The following FBH1 variants were observed in gnomAD, a reference collection of about 807,000 sequenced individuals.
FBH1 encodes F-box DNA helicase 1.
A neutral mutation model predicts 115.5 loss-of-function variants in FBH1; 43 were observed. That is an observed-to-expected ratio of 0.37 (90% confidence interval 0.29 to 0.48). The LOEUF (loss-of-function observed/expected upper bound fraction) is 0.48, where lower values mean the gene tolerates loss of function less well. Among genes scored for constraint, FBH1 ranks in the 20% least tolerant of loss-of-function variants. The pLI, the probability that FBH1 is intolerant of heterozygous loss-of-function variation, is 0.99. For synonymous variants in FBH1, 524 were observed against 507.8 expected (o/e 1.03, Z -0.43); for missense variants, 1,001 against 1,337.3 (o/e 0.75, Z 3.92).
rs1415466719 is a variant in FBH1 at position 5,911,089 on chromosome 10, T to C, written c.1172T>C (p.Leu391Pro). The C allele has an allele frequency of 6.2e-7, 1 of 1,613,380 alleles. No homozygotes were observed. ...TETLYCIAVL[L>P]YAMREKGINI... ...ACCCTGTACTGCATAGCCGTGCTTC[T>C]CTACGCCATGAGGGAGAAGGGGATT... Residue 391 changes from leucine (L) to proline (P), a missense_variant, in exon 6 of 21, where the codon CTC (leucine) becomes CCC (proline). By Grantham distance (98) the Leu-to-Pro change is moderately conservative (BLOSUM62 -3). Around this residue, in one of 4 missense-constraint regions of FBH1, gnomAD observed 59 missense variants for 79.7 expected, o/e 0.74. Transcript: ENST00000362091. This position sits in a 1 kb window ranked among gnomAD's most constrained non-coding sequence, Gnocchi z 5.4.
intron 2 of FBH1, 69 bp from the exon 3 acceptor site, chr10:5,905,968 A>C (rs1843665147): frequency 8.9e-7 from 1 of 1,129,936 alleles, no homozygotes; most frequent in Admixed American, 2.0e-5. Flanking sequence ...AGTGTGTCTT[A>C]TATGGATTAA....
In FBH1 at chr10:5,906,646, G is replaced by A. The variant is rs1165130032; in HGVS notation, c.753+14G>A. ...AGTGACCCGCTGGTGAGTGAGTGCT[G>A]GAGTCGGGAGATGTTTCCTCTAAAA... On this transcript the variant is annotated intron_variant, in intron 3 of 20. Coordinates refer to ENST00000362091, the MANE Select transcript of FBH1 (RefSeq NM_178150.3). This position sits in a 1 kb window ranked among gnomAD's most constrained non-coding sequence, Gnocchi z 7.3. 1 of 1,578,620 alleles carries A rather than the reference G, an allele frequency of 6.3e-7. No individual in the cohort carries two copies. The highest frequency in any genetic ancestry group is 8.6e-7 in the Non-Finnish European group (1 of 1,160,332).
In FBH1 at chr10:5,913,039, G is replaced by A. The variant is rs1405171438; in HGVS notation, c.1212-708G>A. ...GGCAGTGCACTCGATTGTTGGGGGA[G>A]CGAGTCCAAGCTCACCCCCGGTCTC... On this transcript the variant is annotated intron_variant, in intron 6 of 20. Transcript: ENST00000362091. The surrounding 1 kb of genome is among the most constrained non-coding windows in gnomAD (Gnocchi z 4.4). Among the ~76,000 whole-genome samples the A allele has an allele frequency of 6.6e-6, 1 of 152,140 alleles. No individual in the cohort carries two copies. Among genetic ancestry groups the A allele is most frequent in the Non-Finnish European group, 1.5e-5 (1 of 68,030 alleles).
In FBH1 at chr10:5,924,557, T is replaced by C. The variant is rs1227720282; in HGVS notation, c.2596+49T>C. On this transcript the variant is annotated intron_variant, in intron 17 of 20. Coordinates refer to ENST00000362091, the MANE Select transcript of FBH1 (RefSeq NM_178150.3). The surrounding 1 kb of genome is among the most constrained non-coding windows in gnomAD (Gnocchi z 6.2). Reference sequence around the variant, plus strand: ...CCTTCCCCCTAAGAGGAGGAACAGATGGTCTTCTGCTGTTCTTTTTTTTTT... The same window carrying C: ...CCTTCCCCCTAAGAGGAGGAACAGACGGTCTTCTGCTGTTCTTTTTTTTTT... The C allele has an allele frequency of 9.6e-6, 15 of 1,559,226 alleles. No homozygotes were observed. The highest frequency in any genetic ancestry group is 3.4e-4 in the Middle Eastern group (2 of 5,864).
intron 13 of FBH1, among the ~76,000 whole-genome samples, chr10:5,920,016 A>G (rs1832220705): frequency 6.6e-6 from 1 of 152,146 alleles, no homozygotes; most frequent in African/African-American, 2.4e-5. Context: ...GCATTTCCTT[A>G]GTTTTGAAAT....
Position 5,918,517 on chromosome 10 carries a change from T to C in FBH1, c.2100+39T>C. 2.6e-6 allele frequency: 4 copies of C among 1,523,302 alleles called. No homozygotes were observed. The highest frequency in any genetic ancestry group is 3.5e-6 in the Non-Finnish European group (4 of 1,139,756). 94.4% of individuals were successfully genotyped at this position (1,523,302 alleles called of 1,614,324 possible). A position where few individuals can be genotyped will look rare whatever the true frequency, so the allele number is the denominator to read the frequency against. ...CTGCATGGGAGGCATTGCATCTCTCTCCCAATGTCTTACGTGCCAGGCCCT... is the reference window on the plus strand; with the variant it reads ...CTGCATGGGAGGCATTGCATCTCTCCCCCAATGTCTTACGTGCCAGGCCCT... On this transcript the variant is annotated intron_variant, in intron 13 of 20. Coordinates refer to ENST00000362091, the MANE Select transcript of FBH1 (RefSeq NM_178150.3). This position sits in a 1 kb window ranked among gnomAD's most constrained non-coding sequence, Gnocchi z 4.0.
chr10:5,928,143 T>C (rs1414191905), intron 19 of FBH1, among the ~76,000 whole-genome samples: 1 of 134,990 alleles, frequency 7.4e-6, no homozygotes, highest in Non-Finnish European at 1.6e-5. Context: ...TTTACTCAAT[T>C]AGTTCTTTTT....
rs1263532111 is a variant in FBH1 at position 5,932,079 on chromosome 10, G to A, written c.2830-4377G>A. On this transcript the variant is annotated intron_variant, in intron 19 of 20. Transcript: ENST00000362091. The surrounding 1 kb of genome is among the most constrained non-coding windows in gnomAD (Gnocchi z 5.9). ...GGAGAATCGCGTGAACCCAGGAGGC[G>A]GAGATTGCAGTGAGCTGAGATTGTG... 2.6e-5 allele frequency among the ~76,000 whole-genome samples: 4 copies of A among 152,186 alleles called. No homozygotes were observed. The highest frequency in any genetic ancestry group is 4.4e-5 in the Non-Finnish European group (3 of 68,040).
At chr10:5,901,322 A>G (rs1038815560) in intron 1 of FBH1, among the ~76,000 whole-genome samples, 1 of 151,872 alleles carries the variant, frequency 6.6e-6, no homozygotes, top group African/African-American at 2.4e-5. Flanking sequence ...ATGCCCAGCT[A>G]ATTTTTTCTA....
intron 1 of FBH1, among the ~76,000 whole-genome samples, chr10:5,891,698 C>G (rs1463038221): frequency 6.6e-6 from 1 of 152,198 alleles, no homozygotes; most frequent in Non-Finnish European, 1.5e-5. Context: ...CAACCTCCCC[C>G]TCCCGGGTTC....
At chr10:5,893,412 G>A (rs1399978774) in intron 1 of FBH1, among the ~76,000 whole-genome samples, 2 of 152,182 alleles carry the variant, frequency 1.3e-5, no homozygotes, top group Non-Finnish European at 2.9e-5. Flanking sequence ...TTATCATTAT[G>A]TGTAAGGACC....
At position 5,935,320 on chromosome 10, in the gene FBH1, C is replaced by CT. The variant is rs1473802578; in HGVS notation, c.2830-1135dup. On this transcript the variant is annotated intron_variant, in intron 19 of 20. Transcript: ENST00000362091. This position sits in a 1 kb window ranked among gnomAD's most constrained non-coding sequence, Gnocchi z 5.2. ...AATGAAATACAAGAGAGCGCTGTGA[C>CT]TGAGTCCTCTACAGCATTTTAGAAA... The CT allele has an allele frequency of 1.3e-5, 2 of 152,192 alleles. No individual in the cohort carries two copies. The highest frequency in any genetic ancestry group is 4.8e-5 in the African/African-American group (2 of 41,434). 9.4% of individuals were successfully genotyped at this position (152,192 alleles called of 1,614,324 possible).
chr10:5,907,269 TTTTG>T (rs1052045328), intron 3 of FBH1, among the ~76,000 whole-genome samples: 43 of 152,100 alleles, frequency 2.8e-4, no homozygotes, highest in East Asian at 1.9e-3. Flanking sequence ...CTGGCCCATT[TTTTG>T]TTTGTTTGTT....
chr10:5,936,359 A>T lies in FBH1; in HGVS notation c.2830-97A>T. 1.4e-6 allele frequency: 2 copies of T among 1,413,114 alleles called. No homozygotes were observed. The highest frequency in any genetic ancestry group is 2.8e-5 in the African/African-American group (2 of 70,978). 87.5% of individuals were successfully genotyped at this position (1,413,114 alleles called of 1,614,324 possible). A position where few individuals can be genotyped will look rare whatever the true frequency, so the allele number is the denominator to read the frequency against. ...TTTTTCTCTCTGGGACTTACAGTGC[A>T]TCTAAAGGGTTCTCACAGAGCCGCC... is the stretch of plus-strand genomic sequence containing the variant. On this transcript the variant is annotated intron_variant, in intron 19 of 20. Transcript: ENST00000362091. This position sits in a 1 kb window ranked among gnomAD's most constrained non-coding sequence, Gnocchi z 5.6.
In FBH1 at chr10:5,925,632, AC is replaced by A; in HGVS notation, c.2722+142del. ...TTCTGGAAAAACTAAACCACAAAAC[AC>A]CTCCTAGTCCTAAACTTTTGATTCT... On this transcript the variant is annotated intron_variant, in intron 18 of 20. Coordinates refer to ENST00000362091, the MANE Select transcript of FBH1 (RefSeq NM_178150.3). This position sits in a 1 kb window ranked among gnomAD's most constrained non-coding sequence, Gnocchi z 4.6. 8.1e-7 allele frequency: 1 copy of A among 1,235,404 alleles called. No homozygotes were observed. The highest frequency in any genetic ancestry group is 1.1e-6 in the Non-Finnish European group (1 of 892,016). 76.5% of individuals were successfully genotyped at this position (1,235,404 alleles called of 1,614,324 possible). A position where few individuals can be genotyped will look rare whatever the true frequency, so the allele number is the denominator to read the frequency against.
chr10:5,903,121 A>C lies in FBH1; in HGVS notation c.103A>C (p.Arg35=). ...TQPFGQRWTN[R]DPNHGLYPKP... is the part of the protein sequence containing the mutation. ...GCCCTTCGGTCAAAGATGGACAAAC[A>C]GAGATCCGAACCATGGTCTCTATCC... The change falls in exon 2 of 21, where the codon AGA becomes CGA. Residue 35 remains arginine, a synonymous_variant. Transcript: ENST00000362091. 2 of 1,613,898 alleles carry C rather than the reference A, an allele frequency of 1.2e-6. No homozygotes were observed. The highest frequency in any genetic ancestry group is 1.7e-6 in the Non-Finnish European group (2 of 1,179,884).
At chr10:5,930,394 G>T (rs556361953) in intron 19 of FBH1, among the ~76,000 whole-genome samples, 134 of 152,280 alleles carry the variant, frequency 8.8e-4, no homozygotes, top group Admixed American at 2.9e-3. Flanking sequence ...GCATAAACTG[G>T]GTCATTCGTC....
In FBH1 at chr10:5,936,175, C is replaced by G. The variant is rs1833328987; in HGVS notation, c.2830-281C>G. ...GGATACCTTAGCATAAAATAAAATC[C>G]AGAAATATTCTGGAAATGTCATTAC... On this transcript the variant is annotated intron_variant, in intron 19 of 20. Coordinates refer to ENST00000362091, the MANE Select transcript of FBH1 (RefSeq NM_178150.3). This position sits in a 1 kb window ranked among gnomAD's most constrained non-coding sequence, Gnocchi z 5.6. The G allele has an allele frequency of 4.5e-6, 1 of 221,488 alleles. No individual in the cohort carries two copies. Among genetic ancestry groups the G allele is most frequent in the Non-Finnish European group, 9.3e-6 (1 of 107,192 alleles). 13.7% of individuals were successfully genotyped at this position (221,488 alleles called of 1,614,324 possible). A position where few individuals can be genotyped will look rare whatever the true frequency, so the allele number is the denominator to read the frequency against.
intron 18 of FBH1, among the ~76,000 whole-genome samples, chr10:5,926,113 A>ATTCTTC (rs199729007): frequency 2.6e-5 from 4 of 150,998 alleles, no homozygotes; most frequent in South Asian, 2.1e-4. Flanking sequence ...TCTTATTCTT[A>ATTCTTC]TTCTTCTTAT....
Sources: gnomAD v4.1 joint callset for allele counts (sites outside exome capture counted in the v4.1 genomes callset) on GRCh38, gnomAD v4.1.1 for gene constraint, gnomAD v4.1.1 regional missense constraint, Gnocchi (gnomAD v3.1) non-coding constraint, MANE v1.5 for transcripts, NCBI Gene and HGNC (gene_info 2026-07-23, HGNC 2026-07-21) for gene names.